The following CCDC62 variants were observed in gnomAD, a reference collection of about 807,000 sequenced individuals.
The protein encoded by CCDC62 is coiled-coil domain containing 62.
A neutral mutation model predicts 80.8 loss-of-function variants in CCDC62; 72 were observed. The ratio of observed to expected loss-of-function variants is 0.89; its 90% CI spans 0.74 to 1.08. The LOEUF (loss-of-function observed/expected upper bound fraction) is 1.08, where lower values mean the gene tolerates loss of function less well. Ranked by LOEUF, CCDC62 falls within the 50% of genes least tolerant of loss-of-function variation. CCDC62 has a pLI of 0.00. For synonymous variants in CCDC62, 286 were observed against 296.5 expected (o/e 0.96, Z 0.36); for missense variants, 704 against 809.4 (o/e 0.87, Z 1.58).
intron 10 of CCDC62, among the ~76,000 whole-genome samples, chr12:122,806,846 T>TAA (rs200545254): frequency 7.3e-6 from 1 of 137,296 alleles, no homozygotes; most frequent in Non-Finnish European, 1.6e-5. Flanking sequence ...ATGTTGGTTG[T>TAA]AAAAAAAAAA....
chr12:122,806,404 G>GTT lies in CCDC62; in HGVS notation c.1851+127_1851+128dup, dbSNP rs34775544. ...GCTTGCTTATTTTGGCTATTCCTCC[G>GTT]TTTTTTTTTTTTTTTTTTTAATTCT... On this transcript the variant is annotated intron_variant, in intron 10 of 12. Coordinates refer to ENST00000253079, the MANE Select transcript of CCDC62 (RefSeq NM_201435.5). The GTT allele has an allele frequency of 1.7e-3, 736 of 438,320 alleles. 3 individuals are homozygous for GTT. The highest frequency in any genetic ancestry group is 7.5e-3 in the African/African-American group (331 of 44,366). 27.2% of individuals were successfully genotyped at this position (438,320 alleles called of 1,614,324 possible). A position where few individuals can be genotyped will look rare whatever the true frequency, so the allele number is the denominator to read the frequency against.
intron 6 of CCDC62, among the ~76,000 whole-genome samples, chr12:122,794,390 C>T (rs752789482): frequency 2.0e-5 from 3 of 151,872 alleles, no homozygotes; most frequent in Non-Finnish European, 4.4e-5. Flanking sequence ...GGATGAGGTT[C>T]CACTATGTTG....
Position 122,798,712 on chromosome 12 carries a change from T to TG in CCDC62, c.977+514dup, listed in dbSNP as rs1233073206. Among the ~76,000 whole-genome samples the TG allele has an allele frequency of 4.0e-5, 6 of 149,826 alleles. No individual in the cohort carries two copies. The East Asian group carries it at 9.9e-4, about 25-fold the overall frequency. On this transcript the variant is annotated intron_variant, in intron 8 of 12. Coordinates refer to ENST00000253079, the MANE Select transcript of CCDC62 (RefSeq NM_201435.5). ...AGGAGAATCACTTGAACCCCGGAGGTGGAGGTTGCAGTGAGCCGAGATCGC... is the reference window on the plus strand; with the variant it reads ...AGGAGAATCACTTGAACCCCGGAGGTGGGAGGTTGCAGTGAGCCGAGATCGC...
intron 11 of CCDC62, among the ~76,000 whole-genome samples, chr12:122,817,426 G>A (rs1192759959): frequency 4.0e-5 from 6 of 151,700 alleles, no homozygotes; most frequent in African/African-American, 1.5e-4. Context: ...CTGGGTTCAA[G>A]CGATTCTCTT....
intron 3 of CCDC62, among the ~76,000 whole-genome samples, chr12:122,785,496 A>G (rs2030157333): frequency 6.6e-6 from 1 of 152,216 alleles, no homozygotes; most frequent in Admixed American, 6.5e-5. Context: ...ATTAATAGAG[A>G]AATATATATT....
intron 10 of CCDC62, among the ~76,000 whole-genome samples, chr12:122,812,777 G>GAGAGAGAGAAAGAAAGAA (rs750420995): frequency 8.7e-5 from 5 of 57,780 alleles, no homozygotes; most frequent in African/African-American, 3.9e-4. Context: ...GAGAGAGAGA[G>GAGAGAGAGAAAGAAAGAA]AGAAAGAAAG....
intron 6 of CCDC62, among the ~76,000 whole-genome samples, chr12:122,792,411 G>A (rs1438336243): frequency 1.3e-5 from 2 of 151,916 alleles, no homozygotes; most frequent in African/African-American, 2.4e-5. Flanking sequence ...AGTAGAGACG[G>A]GGTTTCACCA....
At chr12:122,785,503 T>C (rs1192068692) in intron 3 of CCDC62, among the ~76,000 whole-genome samples, 1 of 152,194 alleles carries the variant, frequency 6.6e-6, no homozygotes, top group African/African-American at 2.4e-5. Flanking sequence ...GAGAAATATA[T>C]ATTTGTATTC....
chr12:122,812,773 G>GAAAGAAAGAA lies in CCDC62; in HGVS notation c.1852-496_1852-495insAAGAAAGAAA, dbSNP rs1555257959. Among the ~76,000 whole-genome samples the GAAAGAAAGAA allele has an allele frequency of 3.8e-3, 262 of 68,856 alleles. 3 individuals carry two copies. The highest frequency in any genetic ancestry group is 5.8e-3 in the East Asian group (11 of 1,896). 45.2% of individuals were successfully genotyped at this position (68,856 alleles called of 152,430 possible). Reference sequence around the variant, plus strand: ...AGAGGGAGGGAGAGAGAGAGAGAGAGAGAGAGAAAGAAAGAAAGAAAGAAA... The same window carrying GAAAGAAAGAA: ...AGAGGGAGGGAGAGAGAGAGAGAGAGAAAGAAAGAAAGAGAGAAAGAAAGAAAGAAAGAAA... On this transcript the variant is annotated intron_variant, in intron 10 of 12. Transcript: ENST00000253079.
intron 10 of CCDC62, among the ~76,000 whole-genome samples, chr12:122,810,435 G>A (rs1167798264): frequency 1.3e-5 from 2 of 152,160 alleles, no homozygotes; most frequent in Non-Finnish European, 1.5e-5. Context: ...ATCATCACTG[G>A]TCATCAGAGA....
chr12:122,781,465 C>T, intron 3 of CCDC62, 135 bp downstream of exon 3: 2 of 735,944 alleles, frequency 2.7e-6, no homozygotes, highest in Non-Finnish European at 4.5e-6. Flanking sequence ...GCAGGTGGAT[C>T]ACCTGAGGTC....
chr12:122,776,227 T>C (rs534274117), intron 1 of CCDC62, among the ~76,000 whole-genome samples: 3 of 152,224 alleles, frequency 2.0e-5, no homozygotes, highest in African/African-American at 7.2e-5. Flanking sequence ...GTGAGGAAAC[T>C]AATGCTTAGA....
intron 6 of CCDC62, 81 bp downstream of exon 6, chr12:122,792,202 GT>G (rs760554062): frequency 0.12 from 57,370 of 487,066 alleles, 33 homozygotes; most frequent in South Asian, 0.18. Flanking sequence ...TCCCAAAATG[GT>G]TTTTTTTTTT....
chr12:122,826,312 G>T, intron 12 of CCDC62, 110 bp from the exon 13 acceptor site: 4 of 435,974 alleles, frequency 9.2e-6, no homozygotes, highest in South Asian at 2.1e-5. Context: ...TGATGTTGAT[G>T]AAAATCAGGA....
chr12:122,778,215 A>G (rs755017915), intron 2 of CCDC62, among the ~76,000 whole-genome samples: 19 of 152,002 alleles, frequency 1.2e-4, no homozygotes, highest in Non-Finnish European at 2.4e-4. Flanking sequence ...TTAACTGGGC[A>G]TGGTGATGCA....
At chr12:122,774,810 C>A in intron 1 of CCDC62, 104 bp downstream of exon 1, 1 of 943,572 alleles carries the variant, frequency 1.1e-6, no homozygotes, top group Non-Finnish European at 1.4e-6. Flanking sequence ...GTGAAACAGG[C>A]CGGGCGCGGT....
chr12:122,799,516 T>A (rs2031165877), intron 8 of CCDC62, among the ~76,000 whole-genome samples: 1 of 152,220 alleles, frequency 6.6e-6, no homozygotes, highest in Non-Finnish European at 1.5e-5. Context: ...AGGAAACATC[T>A]TCCCATCCCC....
intron 10 of CCDC62, among the ~76,000 whole-genome samples, chr12:122,812,908 T>C (rs893191399): frequency 2.0e-5 from 3 of 151,212 alleles, no homozygotes; most frequent in Admixed American, 6.6e-5. Context: ...AAAGAAATAT[T>C]CACAGGTGAT....
intron 11 of CCDC62, among the ~76,000 whole-genome samples, chr12:122,814,504 A>ATTT (rs71440218): frequency 8.0e-6 from 1 of 125,124 alleles, no homozygotes; most frequent in Non-Finnish European, 1.7e-5. Flanking sequence ...TGGACTTTTA[A>ATTT]TTTTTTTTTT....
Sources: gnomAD v4.1 joint callset for allele counts (sites outside exome capture counted in the v4.1 genomes callset) on GRCh38, gnomAD v4.1.1 for gene constraint, MANE v1.5 for transcripts, NCBI Gene and HGNC (gene_info 2026-07-23, HGNC 2026-07-21) for gene names.